The following CDH18 variants were observed in gnomAD, a reference collection of about 807,000 sequenced individuals.
The protein encoded by CDH18 is cadherin 18.
CDH18 carries 31 observed loss-of-function variants against 67.9 expected under a neutral mutation model. That is an observed-to-expected ratio of 0.46 (90% CI 0.34 to 0.62). The LOEUF (loss-of-function observed/expected upper bound fraction) is 0.62, where lower values mean the gene tolerates loss of function less well. Ranked by LOEUF, CDH18 falls within the 20% of genes least tolerant of loss-of-function variation. The pLI is 0.01. For missense variants in CDH18, 890 were observed against 975.5 expected (o/e 0.91, Z 1.17); for synonymous variants, 362 against 347.2 (o/e 1.04, Z -0.48).
intron 2 of CDH18, among the ~76,000 whole-genome samples, chr5:20,180,244 G>A (rs550805412): frequency 4.3e-4 from 65 of 152,192 alleles, no homozygotes; most frequent in Admixed American, 2.6e-3. Flanking sequence ...GACTCATGGC[G>A]GGGGCACCTG....
In CDH18 at chr5:19,713,482, C is replaced by A. The variant is rs186664260; in HGVS notation, c.643+7865G>T. On this transcript the variant is annotated intron_variant, in intron 5 of 12. Coordinates refer to ENST00000382275, the MANE Select transcript of CDH18 (RefSeq NM_004934.5). ...TCCATCTTAATTGTTTCATCTAGGG[C>A]TACAACGAATAGTTTGACTAGAATA... Among the ~76,000 whole-genome samples, 6 of 152,142 alleles carry A rather than the reference C, an allele frequency of 3.9e-5. No homozygotes were observed. In the East Asian group the frequency reaches 1.2e-3, roughly 29 times the overall value.
chr5:19,826,762 C>A (rs763010694), intron 3 of CDH18, among the ~76,000 whole-genome samples: 2 of 152,072 alleles, frequency 1.3e-5, no homozygotes, highest in African/African-American at 2.4e-5. Flanking sequence ...AATACCATTA[C>A]CAGCCAGAAC....
At chr5:20,305,052 A>G (rs113636469) in intron 1 of CDH18, 16,334 of 1,604,104 alleles carry the variant, frequency 0.01, 209 homozygotes, top group African/African-American at 0.06. Flanking sequence ...TGTCCCCATT[A>G]GTTTTGGGAT....
At chr5:19,697,734 A>C (rs1378237368) in intron 5 of CDH18, among the ~76,000 whole-genome samples, 1 of 152,150 alleles carries the variant, frequency 6.6e-6, no homozygotes, top group Non-Finnish European at 1.5e-5. Flanking sequence ...CAAGAAGAAA[A>C]ATTGAAAGCC....
At chr5:19,668,296 T>C (rs1197336648) in intron 5 of CDH18, among the ~76,000 whole-genome samples, 1 of 152,102 alleles carries the variant, frequency 6.6e-6, no homozygotes, top group Non-Finnish European at 1.5e-5. Flanking sequence ...TTTGAACATA[T>C]ATTTTTATAT....
At chr5:20,334,540 G>A (rs1739529955) in intron 1 of CDH18, among the ~76,000 whole-genome samples, 1 of 152,052 alleles carries the variant, frequency 6.6e-6, no homozygotes, top group East Asian at 1.9e-4. Flanking sequence ...GAAGACTAAT[G>A]TCAATCAGAG....
chr5:19,928,795 C>T (rs925532869), intron 2 of CDH18, among the ~76,000 whole-genome samples: 4 of 152,068 alleles, frequency 2.6e-5, no homozygotes, highest in African/African-American at 9.7e-5. Flanking sequence ...GCATTGGCTG[C>T]ACAGTGGGGC....
chr5:19,512,097 C>T (rs1169938712), intron 10 of CDH18, among the ~76,000 whole-genome samples: 3 of 152,116 alleles, frequency 2.0e-5, no homozygotes, highest in African/African-American at 7.2e-5. Context: ...CAGCCCATTG[C>T]TTCAGAGAAA....
chr5:19,534,150 T>C (rs953311291), intron 9 of CDH18, among the ~76,000 whole-genome samples: 1 of 152,036 alleles, frequency 6.6e-6, no homozygotes, highest in African/African-American at 2.4e-5. Flanking sequence ...TGAAAGGAGT[T>C]AACCATGAGC....
At chr5:20,024,417 G>A (rs1738707327) in intron 2 of CDH18, among the ~76,000 whole-genome samples, 1 of 152,142 alleles carries the variant, frequency 6.6e-6, no homozygotes, top group African/African-American at 2.4e-5. Context: ...AGACCTGGTG[G>A]AAGTAACGTG....
At chr5:20,251,616 G>A (rs537914604) in intron 2 of CDH18, among the ~76,000 whole-genome samples, 1 of 152,254 alleles carries the variant, frequency 6.6e-6, no homozygotes, top group South Asian at 2.1e-4. Context: ...AGTATTTTGA[G>A]GAGCATTGAA....
chr5:19,976,422 T>G (rs548808513), intron 2 of CDH18, among the ~76,000 whole-genome samples: 11 of 151,886 alleles, frequency 7.2e-5, no homozygotes, highest in Non-Finnish European at 7.4e-5. Context: ...CAGTACAGAG[T>G]GGACACAGTA....
At chr5:19,651,482 A>T (rs1755569858) in intron 5 of CDH18, among the ~76,000 whole-genome samples, 1 of 152,064 alleles carries the variant, frequency 6.6e-6, no homozygotes, top group Non-Finnish European at 1.5e-5. Context: ...AGGTCAGCAT[A>T]CCCTATCAGT....
intron 2 of CDH18, among the ~76,000 whole-genome samples, chr5:19,972,243 C>T (rs115876491): frequency 0.016 from 2,498 of 152,022 alleles, 76 homozygotes; most frequent in African/African-American, 0.057. Context: ...AATTTGTTTC[C>T]TTAGCATCTT....
intron 2 of CDH18, among the ~76,000 whole-genome samples, chr5:20,007,674 TGTGTGTGTG>T (rs1423894137): frequency 1.5e-5 from 1 of 68,484 alleles, no homozygotes; most frequent in African/African-American, 3.0e-4. Context: ...GTGTGGAAAG[TGTGTGTGTG>T]TGTGTGTGTG....
At chr5:19,904,408 G>A (rs986238839) in intron 2 of CDH18, among the ~76,000 whole-genome samples, 126 of 151,022 alleles carry the variant, frequency 8.3e-4, no homozygotes, top group Admixed American at 1.8e-3. Flanking sequence ...GAAGGGAAGG[G>A]AAAGGAAGAG....
chr5:20,513,695 A>G (rs1057379319), intron 1 of CDH18, among the ~76,000 whole-genome samples: 1 of 152,172 alleles, frequency 6.6e-6, no homozygotes, highest in African/African-American at 2.4e-5. Context: ...GGGCCTAACA[A>G]TCATAACAAT....
intron 5 of CDH18, among the ~76,000 whole-genome samples, chr5:19,614,091 T>C (rs1016438691): frequency 5.3e-5 from 8 of 152,016 alleles, no homozygotes; most frequent in African/African-American, 7.2e-5. Context: ...ACAGACAATA[T>C]CTTAATTTAT....
At chr5:20,390,747 T>A (rs372162045) in intron 1 of CDH18, among the ~76,000 whole-genome samples, 4 of 152,104 alleles carry the variant, frequency 2.6e-5, no homozygotes, top group African/African-American at 7.2e-5. Flanking sequence ...CAAATGTCCA[T>A]CAATGATAGA....
Sources: allele counts gnomAD v4.1 joint callset (sites outside exome capture counted in the v4.1 genomes callset), GRCh38; gene constraint gnomAD v4.1.1; transcripts MANE v1.5; gene names NCBI Gene and HGNC (gene_info 2026-07-23, HGNC 2026-07-21).